Variants in OAS2 observed in about 807,000 individuals in gnomAD.
The protein encoded by OAS2 is 2'-5'-oligoadenylate synthetase 2, also known as 2'-5'-oligoadenylate synthase 2.
Under a neutral mutation model 71.3 loss-of-function variants are expected in OAS2, and 67 were observed. That is an observed-to-expected ratio of 0.94 (90% CI 0.77 to 1.15). The LOEUF is 1.15. Among genes scored for constraint, OAS2 ranks in the 50% most tolerant of loss-of-function variants. The probability of loss-of-function intolerance (pLI) is 0.00; values close to 1 mark genes in which losing one functional copy is unlikely to be tolerated. For synonymous variants in OAS2, 327 were observed against 321.8 expected (o/e 1.02, Z -0.17); for missense variants, 789 against 822.5 (o/e 0.96, Z 0.50).
At chr12:113,004,228 AG>A (rs1329533177) in intron 6 of OAS2, among the ~76,000 whole-genome samples, 1 of 152,180 alleles carries the variant, frequency 6.6e-6, no homozygotes, top group African/African-American at 2.4e-5. Flanking sequence ...GCATGAATGA[AG>A]GGGGCTGGAA....
intron 4 of OAS2, 116 bp from the exon 5 acceptor site, chr12:112,998,150 C>A: frequency 8.9e-7 from 1 of 1,118,116 alleles, no homozygotes; most frequent in Non-Finnish European, 1.3e-6. Context: ...CTTGGAGGAG[C>A]TGCAGGAATC....
At chr12:112,986,109 G>A (rs1037355374) in intron 1 of OAS2, among the ~76,000 whole-genome samples, 2 of 152,248 alleles carry the variant, frequency 1.3e-5, no homozygotes, top group Non-Finnish European at 2.9e-5. Flanking sequence ...ATTAGCATCA[G>A]TGTTGTCTGT....
At chr12:112,989,313 G>A (rs1255483251) in intron 2 of OAS2, among the ~76,000 whole-genome samples, 3 of 152,212 alleles carry the variant, frequency 2.0e-5, no homozygotes, top group Non-Finnish European at 4.4e-5. Flanking sequence ...ATGTGGAACT[G>A]TGAGTCAATC....
chr12:112,989,843 T>TTACCC (rs1367985326), intron 2 of OAS2, among the ~76,000 whole-genome samples: 3 of 152,150 alleles, frequency 2.0e-5, no homozygotes, highest in African/African-American at 7.2e-5. Flanking sequence ...TGTTTTTGGT[T>TTACCC]TATATACCTA....
In OAS2 at chr12:112,987,192, C is replaced by T. The variant is rs750962575; in HGVS notation, c.332C>T (p.Thr111Met). ...TGDKLKFCLF[T>M]KWLKNNFEIQ... ...GATAAGCTGAAGTTCTGTCTGTTCA[C>T]GAAGTGGTTGAAAAACAATTTCGAG... The change falls in exon 2 of 10, where the codon ACG becomes ATG. Residue 111 changes from threonine to methionine, a missense_variant. Thr to Met is a moderately conservative substitution (Grantham distance 81). Coordinates refer to ENST00000392583, the MANE Select transcript of OAS2 (RefSeq NM_002535.3). 48 of 1,614,156 alleles carry T rather than the reference C, an allele frequency of 3.0e-5. No individual in the cohort carries two copies. The Middle Eastern group carries it at 8.2e-4, about 28-fold the overall frequency.
At chr12:112,979,703 T>G (rs1188342419) in intron 1 of OAS2, among the ~76,000 whole-genome samples, 5 of 152,124 alleles carry the variant, frequency 3.3e-5, no homozygotes, top group Non-Finnish European at 7.4e-5. Flanking sequence ...AATGTAACTG[T>G]GTAACCCCCA....
chr12:112,998,243 T>C (rs772717792), intron 4 of OAS2, 23 bp from the exon 5 acceptor site: 4 of 1,604,548 alleles, frequency 2.5e-6, no homozygotes, highest in Middle Eastern at 1.7e-4. Context: ...AACTGACTTT[T>C]TTTAATCTAA....
chr12:112,987,151 C>G lies in OAS2; in HGVS notation c.291C>G (p.Ile97Met), dbSNP rs773293745. 2 of 1,614,174 alleles carry G rather than the reference C, an allele frequency of 1.2e-6. No individual in the cohort carries two copies. Among genetic ancestry groups the G allele is most frequent in the East Asian group, 4.5e-5 (2 of 44,882 alleles). ...ATCAGAAGAGAAGCCAACGTGACAT[C>G]CTCGATAAAACTGGGGATAAGCTGA... is the stretch of plus-strand genomic sequence containing the variant. ...FQDQKRSQRD[I>M]LDKTGDKLKF... Residue 97 changes from isoleucine (I) to methionine (M), a missense_variant, in exon 2 of 10, where the codon ATC becomes ATG. Ile to Met is a conservative substitution (Grantham distance 10). Coordinates refer to ENST00000392583, the MANE Select transcript of OAS2 (RefSeq NM_002535.3).
At position 113,010,809 on chromosome 12, in the gene OAS2, G is replaced by A. The variant is rs1389523332; in HGVS notation, c.*1554G>A. On this transcript the variant is annotated 3_prime_UTR_variant, in exon 10 of 10. Coordinates refer to ENST00000392583, the MANE Select transcript of OAS2 (RefSeq NM_002535.3). ...GAATCCTCTGTGTCTTCAAAGCAAA[G>A]CTCTTTACTTTCCCCTTGGTTCTCA... 3.4e-5 allele frequency: 6 copies of A among 177,132 alleles called. No homozygotes were observed. The highest frequency in any genetic ancestry group is 1.4e-4 in the African/African-American group (6 of 41,784). 11.0% of individuals were successfully genotyped at this position (177,132 alleles called of 1,614,324 possible). A position where few individuals can be genotyped will look rare whatever the true frequency, so the allele number is the denominator to read the frequency against.
intron 2 of OAS2, among the ~76,000 whole-genome samples, chr12:112,990,320 A>G (rs1162610315): frequency 1.3e-5 from 2 of 152,244 alleles, no homozygotes; most frequent in African/African-American, 2.4e-5. Context: ...AGTACACATA[A>G]GATGTGCATT....
At position 113,009,705 on chromosome 12, in the gene OAS2, AT is replaced by A. The variant is rs1322211550; in HGVS notation, c.*454del. ...ATACCCAAAGGTCAAGAACACAGTGATTTTATTAGAAGTTTCATCCGCAAAT... is the reference window on the plus strand; with the variant it reads ...ATACCCAAAGGTCAAGAACACAGTGATTTATTAGAAGTTTCATCCGCAAAT... On this transcript the variant is annotated 3_prime_UTR_variant, in exon 10 of 10. Transcript: ENST00000392583. 3 of 987,386 alleles carry A rather than the reference AT, an allele frequency of 3.0e-6. No individual in the cohort carries two copies. Among genetic ancestry groups the A allele is most frequent in the Non-Finnish European group, 3.6e-6 (3 of 831,476 alleles). The allele number at this position is 987,386 out of a possible 1,614,324, so 61.2% of individuals were successfully genotyped here.
chr12:112,982,202 A>G (rs77354019), intron 1 of OAS2, among the ~76,000 whole-genome samples: 37,536 of 151,872 alleles, frequency 0.25, 4,982 homozygotes, highest in Admixed American at 0.32. Context: ...TTCTTTTCCT[A>G]TTTGGATGCC....
intron 2 of OAS2, among the ~76,000 whole-genome samples, chr12:112,993,583 T>A (rs904651686): frequency 6.6e-6 from 1 of 152,164 alleles, no homozygotes; most frequent in African/African-American, 2.4e-5. Context: ...TGGTTTCTTA[T>A]CTAAATGTGT....
chr12:113,008,974 A>C, intron 9 of OAS2, 113 bp from the exon 10 acceptor site: 1 of 1,505,606 alleles, frequency 6.6e-7, no homozygotes, highest in Non-Finnish European at 8.9e-7. Context: ...AGTTGCTGAC[A>C]TCTAAGCTGT....
chr12:113,001,863 CAAAAAA>C (rs71086131), intron 5 of OAS2, among the ~76,000 whole-genome samples: 74 of 21,864 alleles, frequency 3.4e-3, no homozygotes, highest in African/African-American at 4.1e-3. Context: ...CCCATCTCTA[CAAAAAA>C]AAAAAAAAAA....
chr12:113,007,864 T>G lies in OAS2; in HGVS notation c.1816T>G (p.Cys606Gly). The G allele has an allele frequency of 1.9e-6, 3 of 1,614,210 alleles. No homozygotes were observed. Among genetic ancestry groups the G allele is most frequent in the Non-Finnish European group, 2.5e-6 (3 of 1,180,030 alleles). ...GCTGGTCACACAATATCAGCAGCTCTGCATCTTCTGGAAGGTCAATTACAA... is the reference window on the plus strand; with the variant it reads ...GCTGGTCACACAATATCAGCAGCTCGGCATCTTCTGGAAGGTCAATTACAA... ...LELVTQYQQL[C>G]IFWKVNYNFE... Residue 606 changes from cysteine (C) to glycine (G), a missense_variant, in exon 9 of 10, where the codon TGC becomes GGC. Transcript: ENST00000392583.
chr12:112,982,915 G>A (rs1457703228), intron 1 of OAS2, among the ~76,000 whole-genome samples: 1 of 152,084 alleles, frequency 6.6e-6, no homozygotes, highest in South Asian at 2.1e-4. Context: ...GGTTGTATGT[G>A]TTCAGGAATT....
chr12:113,006,562 A>C lies in OAS2; in HGVS notation c.1618A>C (p.Lys540Gln). ...NFIRSRPTKL[K>Q]DLIRLVKHWY... ...CATTCGCTCCCGGCCCACCAAACTAAAGGATTTAATTCGCCTGGTGAAGCA... is the reference window on the plus strand; with the variant it reads ...CATTCGCTCCCGGCCCACCAAACTACAGGATTTAATTCGCCTGGTGAAGCA... Residue 540 changes from lysine (K) to glutamine (Q), a missense_variant, in exon 8 of 10, where the codon AAG (lysine) becomes CAG (glutamine). Physicochemically the swap from Lys to Gln is moderately conservative, Grantham distance 53 (BLOSUM62 1). Coordinates refer to ENST00000392583, the MANE Select transcript of OAS2 (RefSeq NM_002535.3). 6.2e-7 allele frequency: 1 copy of C among 1,610,590 alleles called. No homozygotes were observed. The highest frequency in any genetic ancestry group is 1.1e-5 in the South Asian group (1 of 90,798).
At chr12:112,995,187 C>T (rs2044222956) in intron 2 of OAS2, 109 bp from the exon 3 acceptor site, 1 of 967,160 alleles carries the variant, frequency 1.0e-6, no homozygotes, top group Admixed American at 2.5e-5. Flanking sequence ...ACCGATTAAG[C>T]AAGAGTCGTG....
Sources: gnomAD v4.1 joint callset for allele counts (sites outside exome capture counted in the v4.1 genomes callset) on GRCh38, gnomAD v4.1.1 for gene constraint, MANE v1.5 for transcripts, NCBI Gene and HGNC (gene_info 2026-07-23, HGNC 2026-07-21) for gene names.